FIG4: variants seen among roughly 807,000 people sequenced by gnomAD.
FIG4 encodes the protein polyphosphoinositide phosphatase.
In FIG4, 112 loss-of-function variants were observed where a neutral mutation model predicts 118.6. The ratio of observed to expected loss-of-function variants is 0.94; its 90% CI spans 0.81 to 1.11. FIG4 has a LOEUF of 1.11. Among genes scored for constraint, FIG4 ranks in the 50% least tolerant of loss-of-function variants. The probability of loss-of-function intolerance (pLI) is 0.00; values close to 1 mark genes in which losing one functional copy is unlikely to be tolerated. For synonymous variants in FIG4, 369 were observed against 381.2 expected (o/e 0.97, Z 0.37); for missense variants, 969 against 1,111.7 (o/e 0.87, Z 1.83).
At chr6:109,735,891 C>G (rs1474188289) in intron 6 of FIG4, among the ~76,000 whole-genome samples, 1 of 151,764 alleles carries the variant, frequency 6.6e-6, no homozygotes, top group Non-Finnish European at 1.5e-5. Context: ...TGATCGGTCC[C>G]AGCTTGACCC....
intron 10 of FIG4, among the ~76,000 whole-genome samples, chr6:109,748,580 G>A (rs932611727): frequency 1.3e-5 from 2 of 152,146 alleles, no homozygotes; most frequent in Admixed American, 6.5e-5. Flanking sequence ...GAATGGAAAA[G>A]GAGGTGGAGA....
At chr6:109,706,055 T>C (rs1471428288) in intron 1 of FIG4, among the ~76,000 whole-genome samples, 1 of 152,204 alleles carries the variant, frequency 6.6e-6, no homozygotes, top group Non-Finnish European at 1.5e-5. Flanking sequence ...ACCTAACACT[T>C]AGCTAATGCC....
intron 21 of FIG4, 133 bp from the exon 22 acceptor site, chr6:109,796,632 A>G (rs1778294594): frequency 4.0e-6 from 3 of 740,998 alleles, no homozygotes. Flanking sequence ...TATGTTACAT[A>G]CAGTACTCTT....
At chr6:109,767,610 C>T (rs1777318509) in intron 15 of FIG4, among the ~76,000 whole-genome samples, 1 of 152,174 alleles carries the variant, frequency 6.6e-6, no homozygotes, top group Admixed American at 6.5e-5. Flanking sequence ...GTGGCTCATG[C>T]CTGTAATCCC....
intron 7 of FIG4, among the ~76,000 whole-genome samples, chr6:109,739,779 T>C (rs1776269724): frequency 6.6e-6 from 1 of 152,164 alleles, no homozygotes; most frequent in Non-Finnish European, 1.5e-5. Context: ...AAAGGAGTGG[T>C]TGCTTTGAGA....
intron 1 of FIG4, among the ~76,000 whole-genome samples, chr6:109,710,858 A>C (rs1775236005): frequency 6.7e-6 from 1 of 150,372 alleles, no homozygotes; most frequent in Non-Finnish European, 1.5e-5. Context: ...GTTTGTTTGA[A>C]TCTTCTTTCT....
intron 10 of FIG4, among the ~76,000 whole-genome samples, chr6:109,744,893 T>C (rs1776439679): frequency 6.6e-6 from 1 of 151,982 alleles, no homozygotes; most frequent in Admixed American, 6.6e-5. Context: ...ATGGCAGTTT[T>C]TGATTTCCTG....
At position 109,705,060 on chromosome 6, in the gene FIG4, C is replaced by G. The variant is rs550399653; in HGVS notation, c.67-10018C>G. Among the ~76,000 whole-genome samples the G allele has an allele frequency of 2.0e-5, 3 of 151,962 alleles. No individual in the cohort carries two copies. In the South Asian group the frequency reaches 6.2e-4, roughly 32 times the overall value. On this transcript the variant is annotated intron_variant, in intron 1 of 22. Transcript: ENST00000230124. ...TCTAGATGAAGGGTATATGGGTGTTCGTTGTACTGTTCTGTTGTCTTTGAA... is the reference window on the plus strand; with the variant it reads ...TCTAGATGAAGGGTATATGGGTGTTGGTTGTACTGTTCTGTTGTCTTTGAA...
At chr6:109,699,684 G>A (rs546355452) in intron 1 of FIG4, among the ~76,000 whole-genome samples, 5 of 151,690 alleles carry the variant, frequency 3.3e-5, no homozygotes, top group South Asian at 2.1e-4. Context: ...TTGAATTTTC[G>A]GTAGAGACAG....
chr6:109,715,282 C>A, intron 2 of FIG4, 106 bp downstream of exon 2: 1 of 648,652 alleles, frequency 1.5e-6, no homozygotes, highest in South Asian at 1.8e-5. Context: ...TATCATAAAT[C>A]TAAAAGTTTC....
intron 2 of FIG4, among the ~76,000 whole-genome samples, chr6:109,716,038 ATTTGGAG>A (rs907528246): frequency 7.2e-5 from 11 of 152,222 alleles, no homozygotes; most frequent in African/African-American, 2.6e-4. Flanking sequence ...TCTTGGCTTT[ATTTGGAG>A]ATCGGAGCAA....
chr6:109,703,376 G>A (rs1442086455), intron 1 of FIG4, among the ~76,000 whole-genome samples: 1 of 152,076 alleles, frequency 6.6e-6, no homozygotes, highest in Admixed American at 6.5e-5. Flanking sequence ...CACTACAGAG[G>A]TATCAGGGGC....
chr6:109,792,333 C>T (rs1371694644), intron 20 of FIG4, among the ~76,000 whole-genome samples: 1 of 152,204 alleles, frequency 6.6e-6, no homozygotes, highest in African/African-American at 2.4e-5. Context: ...GTTGCCAACT[C>T]CTGCATTATA....
chr6:109,710,818 G>A (rs986625081), intron 1 of FIG4, among the ~76,000 whole-genome samples: 8 of 151,620 alleles, frequency 5.3e-5, no homozygotes, highest in Admixed American at 1.3e-4. Context: ...TGGGGTCAGC[G>A]TTAATATCCC....
chr6:109,822,809 A>G (rs1026750498), intron 22 of FIG4, among the ~76,000 whole-genome samples: 33 of 137,490 alleles, frequency 2.4e-4, no homozygotes, highest in African/African-American at 8.6e-4. Flanking sequence ...ATATATATAT[A>G]TATATATATA....
At chr6:109,767,751 A>T (rs1562672555) in intron 15 of FIG4, among the ~76,000 whole-genome samples, 1 of 152,178 alleles carries the variant, frequency 6.6e-6, no homozygotes. Flanking sequence ...GGGGGCCTGT[A>T]GTCCCAGCTA....
intron 16 of FIG4, 118 bp from the exon 17 acceptor site, chr6:109,784,852 T>G: frequency 1.9e-6 from 1 of 533,598 alleles, no homozygotes; most frequent in African/African-American, 1.9e-5. Context: ...AAAAGAAAAA[T>G]ATTAACTTTG....
chr6:109,691,948 T>C (rs1162790448), intron 1 of FIG4, among the ~76,000 whole-genome samples: 1 of 152,262 alleles, frequency 6.6e-6, no homozygotes, highest in Non-Finnish European at 1.5e-5. Context: ...GCGATTCATG[T>C]GAATTACACT....
chr6:109,719,549 A>C (rs1775543403), intron 3 of FIG4, among the ~76,000 whole-genome samples: 3 of 151,888 alleles, frequency 2.0e-5, no homozygotes, highest in African/African-American at 7.3e-5. Flanking sequence ...ACGCCCGGCT[A>C]ATGTTTTTTC....
Sources: gnomAD v4.1 joint callset for allele counts (sites outside exome capture counted in the v4.1 genomes callset) on GRCh38, gnomAD v4.1.1 for gene constraint, MANE v1.5 for transcripts, NCBI Gene and HGNC (gene_info 2026-07-23, HGNC 2026-07-21) for gene names.